The following ADAMTS3 variants were observed in gnomAD, a reference collection of about 807,000 sequenced individuals.
ADAMTS3 encodes A disintegrin and metalloproteinase with thrombospondin motifs 3.
In ADAMTS3, 73 loss-of-function variants were observed where a neutral mutation model predicts 129.0. That is an observed-to-expected ratio of 0.57 (90% CI 0.47 to 0.69). The LOEUF (loss-of-function observed/expected upper bound fraction) is 0.69, where lower values mean the gene tolerates loss of function less well. Among genes scored for constraint, ADAMTS3 ranks in the 30% least tolerant of loss-of-function variants. ADAMTS3 has a pLI of 0.00. For missense variants in ADAMTS3, 1,457 were observed against 1,514.5 expected (o/e 0.96, Z 0.63); for synonymous variants, 477 against 510.8 (o/e 0.93, Z 0.89).
chr4:72,542,824 G>A (rs373750265), intron 3 of ADAMTS3, among the ~76,000 whole-genome samples: 5 of 152,108 alleles, frequency 3.3e-5, no homozygotes, highest in African/African-American at 1.2e-4. Flanking sequence ...GTAGAACCAA[G>A]GTCTCAACAG....
intron 21 of ADAMTS3, among the ~76,000 whole-genome samples, chr4:72,285,037 C>T (rs932539669): frequency 2.6e-5 from 4 of 152,170 alleles, no homozygotes; most frequent in Admixed American, 6.5e-5. Context: ...AATAGAATCA[C>T]TTAAAGTTAC....
chr4:72,554,547 T>C (rs1721717731), intron 2 of ADAMTS3, among the ~76,000 whole-genome samples: 1 of 148,964 alleles, frequency 6.7e-6, no homozygotes, highest in South Asian at 2.1e-4. Context: ...GACTTCGCTA[T>C]TTCTGTTCAT....
intron 4 of ADAMTS3, among the ~76,000 whole-genome samples, chr4:72,344,886 A>G (rs1720240023): frequency 6.6e-6 from 1 of 152,154 alleles, no homozygotes; most frequent in Non-Finnish European, 1.5e-5. Flanking sequence ...AAACTTCATT[A>G]CATATGAGAG....
chr4:72,317,427 G>A (rs1719427098), intron 10 of ADAMTS3, among the ~76,000 whole-genome samples: 1 of 149,026 alleles, frequency 6.7e-6, no homozygotes, highest in Non-Finnish European at 1.5e-5. Context: ...TACGTTCCTT[G>A]CTCTAACACC....
In ADAMTS3 at chr4:72,303,966, A is replaced by G. The variant is rs1396562787; in HGVS notation, c.2375T>C (p.Ile792Thr). The G allele has an allele frequency of 1.7e-5, 27 of 1,613,708 alleles. No individual in the cohort carries two copies. The highest frequency in any genetic ancestry group is 2.2e-5 in the Non-Finnish European group (26 of 1,179,722). ...VEWDYNIEDD[I>T]ESLHTDGPLH... Reference sequence around the variant, plus strand: ...AGGTCCATCGGTGTGAAGACTTTCAATGTCATCTTCAATGTTATAATCCCA... The same window carrying G: ...AGGTCCATCGGTGTGAAGACTTTCAGTGTCATCTTCAATGTTATAATCCCA... The change falls in exon 17 of 22, where the codon ATT (isoleucine) becomes ACT (threonine). Residue 792 changes from isoleucine (I) to threonine (T), a missense_variant. Transcript: ENST00000286657.
intron 3 of ADAMTS3, among the ~76,000 whole-genome samples, chr4:72,520,303 TGAG>T (rs1054598878): frequency 1.3e-5 from 2 of 152,228 alleles, no homozygotes; most frequent in South Asian, 2.1e-4. Flanking sequence ...GGGACCCACT[TGAG>T]GAGGCAGTCT....
At chr4:72,362,937 A>C (rs910520534) in intron 4 of ADAMTS3, among the ~76,000 whole-genome samples, 3 of 152,108 alleles carry the variant, frequency 2.0e-5, no homozygotes, top group Non-Finnish European at 2.9e-5. Flanking sequence ...GATTAAACCA[A>C]ACACTTTAAT....
chr4:72,300,483 T>C (rs563403251), intron 17 of ADAMTS3, among the ~76,000 whole-genome samples: 1 of 152,298 alleles, frequency 6.6e-6, no homozygotes, highest in East Asian at 1.9e-4. Flanking sequence ...CATTCATATT[T>C]AAAATAAGCT....
chr4:72,291,154 A>G, intron 19 of ADAMTS3, 92 bp from the exon 20 acceptor site: 3 of 1,373,996 alleles, frequency 2.2e-6, no homozygotes, highest in Non-Finnish European at 3.0e-6. Flanking sequence ...CTGCTCTCTA[A>G]GTGACTTGCA....
At chr4:72,374,777 T>C (rs1721097568) in intron 4 of ADAMTS3, among the ~76,000 whole-genome samples, 1 of 152,158 alleles carries the variant, frequency 6.6e-6, no homozygotes, top group Non-Finnish European at 1.5e-5. Context: ...CCTGTTACTA[T>C]GACATCAAAA....
intron 4 of ADAMTS3, among the ~76,000 whole-genome samples, chr4:72,381,159 T>C (rs1254115374): frequency 6.6e-6 from 1 of 151,960 alleles, no homozygotes; most frequent in Non-Finnish European, 1.5e-5. Context: ...CTGTGTAGAC[T>C]GGGGTGTTAT....
chr4:72,433,574 A>G (rs1013603254), intron 3 of ADAMTS3, among the ~76,000 whole-genome samples: 4 of 151,818 alleles, frequency 2.6e-5, no homozygotes, highest in African/African-American at 4.8e-5. Context: ...ATTCTCCTAA[A>G]TTTTTTCCCC....
At chr4:72,454,478 G>A (rs369671611) in intron 3 of ADAMTS3, among the ~76,000 whole-genome samples, 3 of 151,706 alleles carry the variant, frequency 2.0e-5, no homozygotes, top group African/African-American at 7.3e-5. Flanking sequence ...TGAATAGAAA[G>A]CCCGACAAGT....
intron 17 of ADAMTS3, among the ~76,000 whole-genome samples, chr4:72,299,841 G>C (rs752068055): frequency 1.3e-5 from 2 of 152,022 alleles, no homozygotes; most frequent in Non-Finnish European, 2.9e-5. Flanking sequence ...GTGCACTAAA[G>C]ATATGAATTC....
At chr4:72,456,384 GTA>G (rs1301700771) in intron 3 of ADAMTS3, among the ~76,000 whole-genome samples, 2 of 84,666 alleles carry the variant, frequency 2.4e-5, no homozygotes, top group Non-Finnish European at 4.8e-5. Context: ...AGTATATATA[GTA>G]TATATATTAT....
intron 15 of ADAMTS3, 152 bp downstream of exon 15, chr4:72,309,245 T>G (rs1233105679): frequency 4.3e-6 from 3 of 694,358 alleles, no homozygotes; most frequent in Non-Finnish European, 6.8e-6. Flanking sequence ...TTTTTTTTTT[T>G]AAGTTCCTTA....
intron 19 of ADAMTS3, 68 bp downstream of exon 19, chr4:72,295,586 A>G (rs1230253173): frequency 1.3e-6 from 2 of 1,499,542 alleles, no homozygotes; most frequent in East Asian, 2.3e-5. Flanking sequence ...AATCAAAACT[A>G]AAAAGAGCTA....
At chr4:72,515,864 G>T (rs554829021) in intron 3 of ADAMTS3, among the ~76,000 whole-genome samples, 204 of 152,134 alleles carry the variant, frequency 1.3e-3, no homozygotes, top group African/African-American at 4.6e-3. Context: ...GTCAATTTTG[G>T]CTTTTGTTGC....
intron 3 of ADAMTS3, among the ~76,000 whole-genome samples, chr4:72,522,192 G>GA (rs968089635): frequency 4.0e-5 from 6 of 151,778 alleles, no homozygotes; most frequent in South Asian, 2.1e-4. Flanking sequence ...ATCCATAATT[G>GA]AAAAAAAAGA....
Sources: allele counts gnomAD v4.1 joint callset (sites outside exome capture counted in the v4.1 genomes callset), GRCh38; gene constraint gnomAD v4.1.1; transcripts MANE v1.5; gene names NCBI Gene and HGNC (gene_info 2026-07-23, HGNC 2026-07-21).